N4BP2: variants seen among roughly 807,000 people sequenced by gnomAD.
N4BP2 encodes NEDD4 binding protein 2.
A neutral mutation model predicts 152.8 loss-of-function variants in N4BP2; 91 were observed. The ratio of observed to expected loss-of-function variants is 0.60; its 90% confidence interval spans 0.50 to 0.71. N4BP2 has a LOEUF of 0.71. N4BP2 is among the 30% of genes least tolerant of loss of function. The pLI, the probability that N4BP2 is intolerant of heterozygous loss-of-function variation, is 0.00. For synonymous variants in N4BP2, 646 were observed against 705.3 expected (o/e 0.92, Z 1.33); for missense variants, 1,923 against 2,059.1 (o/e 0.93, Z 1.28).
intron 12 of N4BP2, among the ~76,000 whole-genome samples, chr4:40,131,576 G>T (rs1718906682): frequency 6.6e-6 from 1 of 152,082 alleles, no homozygotes; most frequent in Admixed American, 6.5e-5. Flanking sequence ...GATTGTGTGT[G>T]TGTGTGTATA....
chr4:40,147,663 C>T (rs933240640), intron 16 of N4BP2, among the ~76,000 whole-genome samples: 7 of 149,836 alleles, frequency 4.7e-5, no homozygotes, highest in Admixed American at 2.6e-4. Context: ...CCAGACGGGG[C>T]GGCTGGCCGG....
the N4BP2 span, among the ~76,000 whole-genome samples, chr4:40,183,636 T>C: frequency 6.6e-6 from 1 of 152,190 alleles, no homozygotes; most frequent in Non-Finnish European, 1.5e-5. Context: ...GCGACCGGCC[T>C]ACTTTTTACA....
the N4BP2 span, among the ~76,000 whole-genome samples, chr4:40,177,372 T>A: frequency 6.6e-6 from 1 of 152,094 alleles, no homozygotes; most frequent in African/African-American, 2.4e-5. Context: ...TACCAGCACT[T>A]TGGGAGGCCG....
At chr4:40,087,809 C>T (rs553667094) in intron 2 of N4BP2, among the ~76,000 whole-genome samples, 1 of 151,810 alleles carries the variant, frequency 6.6e-6, no homozygotes, top group South Asian at 2.1e-4. Flanking sequence ...CTGAATGGCT[C>T]GATCTCGGCT....
intron 4 of N4BP2, among the ~76,000 whole-genome samples, chr4:40,105,103 T>A (rs181675467): frequency 1.7e-3 from 259 of 151,910 alleles, no homozygotes; most frequent in African/African-American, 5.9e-3. Flanking sequence ...CGCCCAACAA[T>A]CCTGCGTTGT....
chr4:40,069,043 C>T (rs1433560614), intron 1 of N4BP2, among the ~76,000 whole-genome samples: 1 of 152,002 alleles, frequency 6.6e-6, no homozygotes, highest in African/African-American at 2.4e-5. Context: ...TCGCTTGAAC[C>T]TGGGAGGCAG....
the N4BP2 span, among the ~76,000 whole-genome samples, chr4:40,166,079 C>T: frequency 6.6e-6 from 1 of 152,092 alleles, no homozygotes; most frequent in Non-Finnish European, 1.5e-5. Context: ...ACACCTCCCT[C>T]CCATTTGTTT....
chr4:40,109,074 C>T (rs551073876), intron 5 of N4BP2, among the ~76,000 whole-genome samples: 2 of 151,912 alleles, frequency 1.3e-5, no homozygotes, highest in South Asian at 2.1e-4. Context: ...CTCAGCCTCC[C>T]GAAGTGCTGG....
intron 5 of N4BP2, among the ~76,000 whole-genome samples, chr4:40,111,139 A>G (rs1163299341): frequency 6.6e-6 from 1 of 152,184 alleles, no homozygotes; most frequent in Non-Finnish European, 1.5e-5. Flanking sequence ...GAAAAGTTGC[A>G]GAGATACTAT....
Position 40,097,215 on chromosome 4 carries a change from T to G in N4BP2, c.-114-12T>G. The G allele has an allele frequency of 2.8e-6, 2 of 718,880 alleles. No individual in the cohort carries two copies. The highest frequency in any genetic ancestry group is 4.7e-6 in the Non-Finnish European group (2 of 422,502). 44.5% of individuals were successfully genotyped at this position (718,880 alleles called of 1,614,324 possible). On this transcript the variant is annotated splice_polypyrimidine_tract_variant and intron_variant, in intron 2 of 17. Coordinates refer to ENST00000261435, the MANE Select transcript of N4BP2 (RefSeq NM_018177.6). Reference sequence around the variant, plus strand: ...ATATAGTCTGAGTGTTTTTAATTGCTTTCTATTTTAGGTCTTTTTACTGCT... The same window carrying G: ...ATATAGTCTGAGTGTTTTTAATTGCGTTCTATTTTAGGTCTTTTTACTGCT...
At chr4:40,134,496 G>A (rs1366604926) in intron 13 of N4BP2, among the ~76,000 whole-genome samples, 2 of 152,176 alleles carry the variant, frequency 1.3e-5, no homozygotes, top group Non-Finnish European at 2.9e-5. Context: ...GCTAGCAGTA[G>A]GTTCAGCTTC....
At chr4:40,083,598 A>G (rs561583938) in intron 2 of N4BP2, among the ~76,000 whole-genome samples, 11 of 152,326 alleles carry the variant, frequency 7.2e-5, no homozygotes, top group African/African-American at 2.6e-4. Context: ...TTTAGATTAT[A>G]CAATTCTCTT....
chr4:40,088,207 T>G (rs2109933012), intron 2 of N4BP2, among the ~76,000 whole-genome samples: 1 of 152,354 alleles, frequency 6.6e-6, no homozygotes, highest in Middle Eastern at 3.4e-3. Flanking sequence ...CATGAGTTGT[T>G]TCCAGTTTTT....
chr4:40,179,957 T>A, the N4BP2 span, among the ~76,000 whole-genome samples: 1 of 151,968 alleles, frequency 6.6e-6, no homozygotes, highest in Non-Finnish European at 1.5e-5. Flanking sequence ...AGAGACAGGG[T>A]TTCTCCATGT....
chr4:40,141,943 T>C (rs1192642654), intron 14 of N4BP2, among the ~76,000 whole-genome samples: 2 of 151,936 alleles, frequency 1.3e-5, no homozygotes, highest in Admixed American at 6.5e-5. Context: ...GGAAAACCAG[T>C]CAGGCGTGGT....
chr4:40,166,076 C>G, the N4BP2 span, among the ~76,000 whole-genome samples: 1 of 152,094 alleles, frequency 6.6e-6, no homozygotes, highest in Non-Finnish European at 1.5e-5. Context: ...AACACACCTC[C>G]CTCCCATTTG....
the N4BP2 span, among the ~76,000 whole-genome samples, chr4:40,189,699 G>T: frequency 6.6e-6 from 1 of 152,076 alleles, no homozygotes; most frequent in Admixed American, 6.6e-5. The surrounding 1 kb of genome is among the most constrained non-coding windows in gnomAD (Gnocchi z 4.3). Flanking sequence ...GACCAGTCTG[G>T]CCTACATGCT....
chr4:40,167,869 C>T, the N4BP2 span: 3 of 152,030 alleles, frequency 2.0e-5, no homozygotes, highest in Non-Finnish European at 4.4e-5. Flanking sequence ...GTAAAAGTTA[C>T]AATTTTTCTC....
rs1167105699 is a variant in N4BP2, at chr4:40,147,365, TC to T, written c.5143+2569del. Reference sequence around the variant, plus strand: ...TTTCTCAATCTTTTCCCCCACCTTTTCCCCTTTTCTATTCCACAAAACCGCC... The same window carrying T: ...TTTCTCAATCTTTTCCCCCACCTTTTCCCTTTTCTATTCCACAAAACCGCC... On this transcript the variant is annotated intron_variant, in intron 16 of 17. Coordinates refer to ENST00000261435, the MANE Select transcript of N4BP2 (RefSeq NM_018177.6). Among the ~76,000 whole-genome samples, 4 of 152,320 alleles carry T rather than the reference TC, an allele frequency of 2.6e-5. No homozygotes were observed. The East Asian group carries it at 7.7e-4, about 29-fold the overall frequency.
Sources: gnomAD v4.1 joint callset for allele counts (sites outside exome capture counted in the v4.1 genomes callset) on GRCh38, gnomAD v4.1.1 for gene constraint, Gnocchi (gnomAD v3.1) non-coding constraint, MANE v1.5 for transcripts, NCBI Gene and HGNC (gene_info 2026-07-23, HGNC 2026-07-21) for gene names.